Variants in OPCML observed in about 807,000 individuals in gnomAD.
OPCML encodes opioid-binding protein/cell adhesion molecule.
Under a neutral mutation model 37.8 loss-of-function variants are expected in OPCML, and 13 were observed. That is an observed-to-expected ratio of 0.34 (90% confidence interval 0.22 to 0.55). The LOEUF (loss-of-function observed/expected upper bound fraction) is 0.55. Among genes scored for constraint, OPCML ranks in the 20% least tolerant of loss-of-function variants. OPCML has a pLI of 0.91. For synonymous variants in OPCML, 176 were observed against 168.8 expected (o/e 1.04, Z -0.33); for missense variants, 341 against 435.6 (o/e 0.78, Z 1.93).
intron 1 of OPCML, among the ~76,000 whole-genome samples, chr11:133,310,153 C>T (rs1006803681): frequency 1.3e-5 from 2 of 152,174 alleles, no homozygotes; most frequent in Non-Finnish European, 2.9e-5. Context: ...AACTCTTGTT[C>T]GCACAAATCT....
intron 1 of OPCML, among the ~76,000 whole-genome samples, chr11:133,140,937 A>C (rs541025262): frequency 0.012 from 208 of 16,644 alleles, 22 homozygotes; most frequent in African/African-American, 0.023. Context: ...ACGACGAAGA[A>C]GAAGAAGACG....
Position 132,517,707 on chromosome 11 carries a change from G to A in OPCML, c.505+11354C>T, listed in dbSNP as rs1298694017. Reference sequence around the variant, plus strand: ...TTTACAACATACAGCAGGCAGCAATGGGTGCCTTTCCAATTGTAATTTTAC... The same window carrying A: ...TTTACAACATACAGCAGGCAGCAATAGGTGCCTTTCCAATTGTAATTTTAC... On this transcript the variant is annotated intron_variant, in intron 4 of 7. Transcript: ENST00000524381. Among the ~76,000 whole-genome samples the A allele has an allele frequency of 2.0e-5, 3 of 152,158 alleles. No homozygotes were observed. In the East Asian group the frequency reaches 5.8e-4, roughly 29 times the overall value.
At chr11:132,466,972 G>A (rs1256786870) in intron 4 of OPCML, among the ~76,000 whole-genome samples, 1 of 152,190 alleles carries the variant, frequency 6.6e-6, no homozygotes, top group Non-Finnish European at 1.5e-5. Context: ...CCTTTGTGGA[G>A]GGAGAGGGGT....
chr11:132,965,174 C>T (rs762026172), intron 1 of OPCML, among the ~76,000 whole-genome samples: 3 of 152,194 alleles, frequency 2.0e-5, no homozygotes, highest in Non-Finnish European at 4.4e-5. Flanking sequence ...GAAGTTTATT[C>T]GTCCTCGCCA....
chr11:133,473,940 T>G (rs1947176753), intron 1 of OPCML, among the ~76,000 whole-genome samples: 1 of 152,170 alleles, frequency 6.6e-6, no homozygotes, highest in Non-Finnish European at 1.5e-5. Context: ...AAAGACATAT[T>G]TGTGATTGGA....
chr11:133,275,023 A>AT (rs1296798360), intron 1 of OPCML, among the ~76,000 whole-genome samples: 2 of 152,070 alleles, frequency 1.3e-5, no homozygotes, highest in African/African-American at 4.8e-5. Context: ...TTAGATGAAC[A>AT]TTTTTGGGTC....
At position 132,966,884 on chromosome 11, in the gene OPCML, T is replaced by G. The variant is rs1946226962; in HGVS notation, c.62-23874A>C. ...TCCAGCTTTTTAATTCCTGTTTGCA[T>G]GGAATATATATTTTTATTTTTTAAA... On this transcript the variant is annotated intron_variant, in intron 1 of 7. Coordinates refer to ENST00000524381, the MANE Select transcript of OPCML (RefSeq NM_001012393.5). Among the ~76,000 whole-genome samples the G allele has an allele frequency of 1.3e-5, 2 of 152,084 alleles. 1 individual carries two copies. Among genetic ancestry groups the G allele is most frequent in the South Asian group, 4.1e-4 (2 of 4,824 alleles).
intron 2 of OPCML, among the ~76,000 whole-genome samples, chr11:132,834,788 G>T (rs1489545204): frequency 2.0e-5 from 3 of 152,172 alleles, no homozygotes; most frequent in Non-Finnish European, 4.4e-5. Flanking sequence ...ACAGGCAAGA[G>T]AGCGTAGGAC....
At chr11:133,038,972 G>C (rs1173941434) in intron 1 of OPCML, among the ~76,000 whole-genome samples, 2 of 152,198 alleles carry the variant, frequency 1.3e-5, no homozygotes, top group African/African-American at 4.8e-5. Flanking sequence ...TCAGAAATCA[G>C]CGGGACCCAC....
At chr11:132,720,905 G>T (rs1427337765) in intron 2 of OPCML, among the ~76,000 whole-genome samples, 2 of 151,586 alleles carry the variant, frequency 1.3e-5, no homozygotes, top group South Asian at 2.1e-4. Context: ...TTTACATAGA[G>T]TTTTTTTTAA....
intron 1 of OPCML, among the ~76,000 whole-genome samples, chr11:133,199,171 G>A (rs1479994985): frequency 6.6e-6 from 1 of 152,142 alleles, no homozygotes; most frequent in Non-Finnish European, 1.5e-5. Context: ...AAAAACTCAG[G>A]AAAAGAATCA....
chr11:133,529,745 A>G (rs1268121523), intron 1 of OPCML, among the ~76,000 whole-genome samples: 3 of 152,250 alleles, frequency 2.0e-5, no homozygotes, highest in African/African-American at 7.2e-5. Flanking sequence ...ACGAGCTGGT[A>G]TTAATCCCTG....
chr11:133,389,754 G>A (rs1337154637), intron 1 of OPCML, among the ~76,000 whole-genome samples: 1 of 152,162 alleles, frequency 6.6e-6, no homozygotes, highest in Non-Finnish European at 1.5e-5. Context: ...TTCTGTGCTA[G>A]ACTTCAGGCT....
At chr11:133,485,791 C>T (rs1947513439) in intron 1 of OPCML, among the ~76,000 whole-genome samples, 1 of 152,172 alleles carries the variant, frequency 6.6e-6, no homozygotes, top group African/African-American at 2.4e-5. Context: ...AAGCAGTAAA[C>T]ACATTTGAGT....
intron 1 of OPCML, among the ~76,000 whole-genome samples, chr11:133,226,218 C>T (rs1046584869): frequency 1.3e-5 from 2 of 152,286 alleles, no homozygotes; most frequent in African/African-American, 4.8e-5. Flanking sequence ...GAACTCCACT[C>T]CCCCTCCTGC....
intron 1 of OPCML, among the ~76,000 whole-genome samples, chr11:133,106,658 A>C (rs944180656): frequency 2.0e-5 from 3 of 152,258 alleles, no homozygotes; most frequent in African/African-American, 7.2e-5. Flanking sequence ...GCAAACTGCA[A>C]AGCAAATGTA....
At chr11:132,972,817 G>T (rs1946372830) in intron 1 of OPCML, among the ~76,000 whole-genome samples, 1 of 152,114 alleles carries the variant, frequency 6.6e-6, no homozygotes, top group Admixed American at 6.5e-5. Context: ...GCAGCCCCCT[G>T]CTCCCTCTGC....
intron 2 of OPCML, among the ~76,000 whole-genome samples, chr11:132,864,792 A>C (rs1047543713): frequency 1.3e-5 from 2 of 152,222 alleles, no homozygotes. Flanking sequence ...ATTTTTTTCT[A>C]TCTGGGGTTC....
intron 1 of OPCML, chr11:133,418,135 G>A (rs1945808022): frequency 1.0e-6 from 1 of 985,400 alleles, no homozygotes; most frequent in Non-Finnish European, 1.2e-6. Flanking sequence ...GTCGAAGACA[G>A]CAGGAAACAA....
Sources: allele counts gnomAD v4.1 joint callset (sites outside exome capture counted in the v4.1 genomes callset), GRCh38; gene constraint gnomAD v4.1.1; transcripts MANE v1.5; gene names NCBI Gene and HGNC (gene_info 2026-07-23, HGNC 2026-07-21).